GGTA1: variants seen among roughly 807,000 people sequenced by gnomAD.
The protein encoded by GGTA1 is glycoprotein alpha-galactosyltransferase 1 (inactive).
Under a neutral mutation model 2.6 loss-of-function variants are expected in GGTA1, and 5 were observed. The ratio of observed to expected loss-of-function variants is 1.92; its 90% CI spans 1.00 to 4.04. The LOEUF is 4.04. Among genes scored for constraint, GGTA1 ranks in the 30% most tolerant of loss-of-function variants. The pLI is 0.00. For synonymous variants in GGTA1, 17 were observed against 5.0 expected, an observed-to-expected ratio of 3.38 and a Z score of -3.19; for missense variants, 50 against 16.7, an observed-to-expected ratio of 2.99 and a Z score of -3.47.
chr9:121,466,716 G>T (rs985282605), intron 2 of GGTA1, among the ~76,000 whole-genome samples: 1 of 152,110 alleles, frequency 6.6e-6, no homozygotes, highest in Non-Finnish European at 1.5e-5. Context: ...ACTTTGGGAG[G>T]CCGAGGCAGG....
chr9:121,458,296 C>T (rs1231917242), intron 5 of GGTA1, among the ~76,000 whole-genome samples: 2 of 151,940 alleles, frequency 1.3e-5, no homozygotes, highest in Non-Finnish European at 2.9e-5. Flanking sequence ...CCTGAGAAGA[C>T]TTAAATTTGG....
rs940948154 is a variant in GGTA1, at chr9:121,445,910, A to G, written c.*1806T>C. On this transcript the variant is annotated 3_prime_UTR_variant and NMD_transcript_variant, in exon 8 of 8. Coordinates refer to the GGTA1 transcript ENST00000481534. ...CCGAGTGTCTTCTGATGAAGCCCAC[A>G]TCCTAGAAACAGAACTGCTTGCAAG... is the stretch of plus-strand genomic sequence containing the variant. 6 of 152,290 alleles carry G rather than the reference A, an allele frequency of 3.9e-5. No homozygotes were observed. In the East Asian group the frequency reaches 7.7e-4, roughly 20 times the overall value. 9.4% of individuals were successfully genotyped at this position (152,290 alleles called of 1,614,324 possible). A position where few individuals can be genotyped will look rare whatever the true frequency, so the allele number is the denominator to read the frequency against.
chr9:121,454,082 A>C (rs573311244), downstream of GGTA1, among the ~76,000 whole-genome samples: 12 of 152,276 alleles, frequency 7.9e-5, no homozygotes, highest in African/African-American at 2.9e-4. Context: ...CAGATGGCAG[A>C]CAGGGGAAAC....
chr9:121,462,231 G>A (rs1300129965), intron 3 of GGTA1, among the ~76,000 whole-genome samples: 2 of 152,102 alleles, frequency 1.3e-5, no homozygotes, highest in African/African-American at 2.4e-5. Context: ...AGGCTGAGGC[G>A]GGAGGATTGC....
At chr9:121,454,193 G>T (rs2064893492), downstream of GGTA1, among the ~76,000 whole-genome samples, 1 of 152,194 alleles carries the variant, frequency 6.6e-6, no homozygotes, top group South Asian at 2.1e-4. Context: ...GCTGCATGGA[G>T]GACACAGTTG....
chr9:121,492,234 T>C (rs1244251986), intron 1 of GGTA1, among the ~76,000 whole-genome samples: 1 of 152,160 alleles, frequency 6.6e-6, no homozygotes, highest in Non-Finnish European at 1.5e-5. Context: ...GGAGCATCCA[T>C]TTCCTGTGTG....
chr9:121,485,236 C>T (rs983176942), intron 1 of GGTA1, among the ~76,000 whole-genome samples: 2 of 152,210 alleles, frequency 1.3e-5, no homozygotes, highest in African/African-American at 4.8e-5. Context: ...ATGGGCCTAC[C>T]TTCTCTGGCT....
At chr9:121,485,175 G>A (rs1190351803) in intron 1 of GGTA1, among the ~76,000 whole-genome samples, 1 of 152,258 alleles carries the variant, frequency 6.6e-6, no homozygotes, top group East Asian at 1.9e-4. Flanking sequence ...ATACGAGTTC[G>A]AAGGGCAGCC....
At chr9:121,448,031 T>C (rs2064860092) in intron 7 of GGTA1, among the ~76,000 whole-genome samples, 1 of 152,192 alleles carries the variant, frequency 6.6e-6, no homozygotes, top group South Asian at 2.1e-4. Context: ...TCCAGAGGCC[T>C]GTAGGTGCCT....
chr9:121,496,718 C>A (rs1389843781), intron 1 of GGTA1, among the ~76,000 whole-genome samples: 1 of 65,400 alleles, frequency 1.5e-5, no homozygotes, highest in African/African-American at 5.3e-5. Context: ...AGTGACAGAG[C>A]AAGGCTCCAT....
At chr9:121,472,213 T>C (rs1828405546) in intron 1 of GGTA1, among the ~76,000 whole-genome samples, 1 of 152,278 alleles carries the variant, frequency 6.6e-6, no homozygotes, top group Non-Finnish European at 1.5e-5. Flanking sequence ...GTGGTGCTGC[T>C]GCACCAGGAA....
intron 3 of GGTA1, among the ~76,000 whole-genome samples, chr9:121,462,085 A>T (rs2064964844): frequency 6.6e-6 from 1 of 152,226 alleles, no homozygotes; most frequent in Admixed American, 6.5e-5. Context: ...ATACTTTGGG[A>T]GGCAAAGGCC....
intron 1 of GGTA1, among the ~76,000 whole-genome samples, chr9:121,482,390 C>A (rs1296947523): frequency 1.3e-5 from 2 of 152,110 alleles, no homozygotes; most frequent in African/African-American, 4.8e-5. Flanking sequence ...TCACTTGAGA[C>A]CAGGAGGCGG....
intron 1 of GGTA1, among the ~76,000 whole-genome samples, chr9:121,481,996 C>CAA (rs56016550): frequency 1.5e-5 from 2 of 129,102 alleles, no homozygotes; most frequent in African/African-American, 2.9e-5. Context: ...AACTCTGTCT[C>CAA]AAAAAAAAAA....
intron 5 of GGTA1, among the ~76,000 whole-genome samples, chr9:121,459,871 C>T (rs114948642): frequency 0.023 from 3,495 of 152,312 alleles, 132 homozygotes; most frequent in African/African-American, 0.08. Flanking sequence ...GTCTCCTCTC[C>T]CTAACACAAT....
chr9:121,471,029 T>C (rs1828377107), intron 1 of GGTA1, among the ~76,000 whole-genome samples: 1 of 152,142 alleles, frequency 6.6e-6, no homozygotes, highest in Non-Finnish European at 1.5e-5. Flanking sequence ...TGAGAGAATG[T>C]AGAGAGAGGA....
At chr9:121,450,252 C>T (rs2064871971), downstream of GGTA1, among the ~76,000 whole-genome samples, 1 of 151,678 alleles carries the variant, frequency 6.6e-6, no homozygotes, top group Admixed American at 6.6e-5. Flanking sequence ...TGGCTAGTGG[C>T]CAGGAAATCC....
At chr9:121,494,198 C>G (rs1329470840) in intron 1 of GGTA1, among the ~76,000 whole-genome samples, 1 of 152,206 alleles carries the variant, frequency 6.6e-6, no homozygotes, top group Non-Finnish European at 1.5e-5. Context: ...GTGCACACCC[C>G]CAAAGTCTCT....
chr9:121,464,530 T>C (rs1164647301), intron 2 of GGTA1, among the ~76,000 whole-genome samples: 2 of 150,700 alleles, frequency 1.3e-5, no homozygotes, highest in African/African-American at 4.9e-5. Context: ...TTTCACCACG[T>C]TGGTCAGGCT....
Sources: gnomAD v4.1 joint callset for allele counts (sites outside exome capture counted in the v4.1 genomes callset) on GRCh38, gnomAD v4.1.1 for gene constraint, MANE v1.5 for transcripts, NCBI Gene and HGNC (gene_info 2026-07-23, HGNC 2026-07-21) for gene names.